Variants in GLIPR1L2 observed in about 807,000 individuals in gnomAD.
GLIPR1L2 encodes the protein GLIPR1-like protein 2.
In GLIPR1L2, 21 loss-of-function variants were observed where a neutral mutation model predicts 28.4. The ratio of observed to expected loss-of-function variants is 0.74; its 90% CI spans 0.52 to 1.06. The LOEUF is 1.06. Ranked by LOEUF, GLIPR1L2 falls within the 50% of genes least tolerant of loss-of-function variation. GLIPR1L2 has a pLI of 0.00. For missense variants in GLIPR1L2, 476 were observed against 416.9 expected, an observed-to-expected ratio of 1.14 and a Z score of -1.23; for synonymous variants, 145 against 139.3, an observed-to-expected ratio of 1.04 and a Z score of -0.29.
chr12:75,423,438 A>C (rs925126580), intron 4 of GLIPR1L2: 1 of 926,326 alleles, frequency 1.1e-6, no homozygotes, highest in African/African-American at 1.8e-5. Context: ...AATATGTTTG[A>C]TTACATTTTT....
chr12:75,424,611 A>AT (rs1566078224), intron 4 of GLIPR1L2, among the ~76,000 whole-genome samples: 22 of 72,486 alleles, frequency 3.0e-4, no homozygotes, highest in African/African-American at 7.4e-4. Flanking sequence ...ATGCCCAGCT[A>AT]ATTTTTTTTT....
chr12:75,395,944 C>A (rs1007041502), intron 1 of GLIPR1L2, among the ~76,000 whole-genome samples: 1 of 151,688 alleles, frequency 6.6e-6, no homozygotes, highest in Non-Finnish European at 1.5e-5. Context: ...TTTCTTTTTA[C>A]CTATGGTGTA....
intron 1 of GLIPR1L2, 38 bp from the exon 2 acceptor site, chr12:75,410,396 A>C (rs1566070042): frequency 1.4e-6 from 2 of 1,445,764 alleles, no homozygotes; most frequent in Admixed American, 2.6e-5. Context: ...ACAAAAAAAA[A>C]CTTATTTTGT....
At chr12:75,409,546 AT>A (rs1264817430) in intron 1 of GLIPR1L2, among the ~76,000 whole-genome samples, 1 of 136,146 alleles carries the variant, frequency 7.3e-6, no homozygotes, top group African/African-American at 2.6e-5. Flanking sequence ...GTGTTAAAAG[AT>A]TTTTTTTGGG....
intron 4 of GLIPR1L2, among the ~76,000 whole-genome samples, chr12:75,424,951 G>A (rs765719868): frequency 7.2e-5 from 11 of 152,066 alleles, no homozygotes; most frequent in Non-Finnish European, 1.5e-4. Flanking sequence ...ATCCAAAGGT[G>A]ATATGTTAGA....
rs764132569 is a variant in GLIPR1L2 at position 75,413,580 on chromosome 12, T to C, written c.481-18T>C. ...TTTAAAATTAAATTTTGTGTCTTTC[T>C]TGAAAATTTTATTTTAGCTTGTTTG... is the stretch of plus-strand genomic sequence containing the variant. On this transcript the variant is annotated intron_variant, in intron 2 of 5. Transcript: ENST00000550916. 1 of 1,422,610 alleles carries C rather than the reference T, an allele frequency of 7.0e-7. No homozygotes were observed. Among genetic ancestry groups the C allele is most frequent in the East Asian group, 2.5e-5 (1 of 40,674 alleles). 88.1% of individuals were successfully genotyped at this position (1,422,610 alleles called of 1,614,324 possible). A position where few individuals can be genotyped will look rare whatever the true frequency, so the allele number is the denominator to read the frequency against.
rs778332182 is a variant in GLIPR1L2 at position 75,391,130 on chromosome 12, G to A, written c.14G>A (p.Arg5Lys). The A allele has an allele frequency of 3.7e-6, 6 of 1,613,372 alleles. No individual in the cohort carries two copies. Among genetic ancestry groups the A allele is most frequent in the South Asian group, 3.3e-5 (3 of 91,060 alleles). Residue 5 changes from arginine (R) to lysine (K), a missense_variant, in exon 1 of 6, where the codon AGG becomes AAG. Coordinates refer to ENST00000550916, the MANE Select transcript of GLIPR1L2 (RefSeq NM_001270396.2). ...GGCCGGTGGACCATGGAGGCCGCAA[G>A]GCCCTTCGCCCGGGAGTGGAGGGCC... MEAA[R>K]PFAREWRAQS...
intron 4 of GLIPR1L2, among the ~76,000 whole-genome samples, chr12:75,426,831 C>G (rs1415142037): frequency 6.6e-6 from 1 of 152,086 alleles, no homozygotes; most frequent in African/African-American, 2.4e-5. Context: ...ACCTATTATT[C>G]AAGTGTAATG....
At chr12:75,406,234 A>T (rs188518792) in intron 1 of GLIPR1L2, among the ~76,000 whole-genome samples, 1 of 152,248 alleles carries the variant, frequency 6.6e-6, no homozygotes, top group East Asian at 1.9e-4. Flanking sequence ...ATTGTTTCAT[A>T]GCTGTCTAAG....
At chr12:75,397,910 A>G (rs1434737822) in intron 1 of GLIPR1L2, among the ~76,000 whole-genome samples, 1 of 151,910 alleles carries the variant, frequency 6.6e-6, no homozygotes, top group Non-Finnish European at 1.5e-5. Flanking sequence ...TTTATATCTA[A>G]TCTGATATTT....
intron 1 of GLIPR1L2, among the ~76,000 whole-genome samples, chr12:75,400,499 C>A (rs987625878): frequency 6.6e-6 from 1 of 151,944 alleles, no homozygotes; most frequent in Non-Finnish European, 1.5e-5. Context: ...GTTTTGTATA[C>A]GAAAATTTAA....
chr12:75,430,610 G>A (rs2046081273), intron 4 of GLIPR1L2, 105 bp from the exon 5 acceptor site: 1 of 1,044,458 alleles, frequency 9.6e-7, no homozygotes, highest in South Asian at 1.6e-5. Context: ...CAAAGATAAT[G>A]CCTGAGAACT....
intron 4 of GLIPR1L2, among the ~76,000 whole-genome samples, chr12:75,426,943 A>G (rs2046040156): frequency 6.6e-6 from 1 of 152,172 alleles, no homozygotes; most frequent in African/African-American, 2.4e-5. Context: ...AAAAGAAGAG[A>G]TGAATGAAAA....
intron 4 of GLIPR1L2, chr12:75,423,228 A>G: frequency 7.4e-7 from 1 of 1,349,026 alleles, no homozygotes; most frequent in Middle Eastern, 2.8e-4. Flanking sequence ...AGTGTCAGAA[A>G]GAAAGAATGA....
intron 1 of GLIPR1L2, among the ~76,000 whole-genome samples, chr12:75,393,319 C>T (rs563337276): frequency 1.3e-5 from 2 of 152,098 alleles, no homozygotes; most frequent in East Asian, 3.9e-4. Flanking sequence ...TTGTTGTGCA[C>T]CCATTACCAC....
intron 4 of GLIPR1L2, among the ~76,000 whole-genome samples, chr12:75,430,363 G>T (rs530271197): frequency 5.4e-4 from 82 of 152,246 alleles, no homozygotes; most frequent in Non-Finnish European, 1.0e-3. Context: ...TATCTGTGGG[G>T]GCAAAGGGAG....
chr12:75,427,638 T>C (rs2046047291), intron 4 of GLIPR1L2, among the ~76,000 whole-genome samples: 1 of 152,202 alleles, frequency 6.6e-6, no homozygotes. Flanking sequence ...CATCATATTG[T>C]TTAGCTCTGT....
At chr12:75,403,737 C>A (rs897920327) in intron 1 of GLIPR1L2, among the ~76,000 whole-genome samples, 9 of 152,068 alleles carry the variant, frequency 5.9e-5, no homozygotes, top group Non-Finnish European at 1.3e-4. Context: ...ACCTTCAACC[C>A]CCTACCTCCT....
Position 75,430,711 on chromosome 12 carries a change from C to G in GLIPR1L2, c.671-4C>G. ...ATTTTTGTGGACTTTCTTTTTCTTT[C>G]TAGGTAATGCAGATCGTGACCAAGC... On this transcript the variant is annotated splice_polypyrimidine_tract_variant and splice_region_variant and intron_variant, in intron 4 of 5. Transcript: ENST00000550916. The G allele has an allele frequency of 6.5e-7, 1 of 1,529,232 alleles. No homozygotes were observed. Among genetic ancestry groups the G allele is most frequent in the South Asian group, 1.2e-5 (1 of 82,054 alleles). The allele number at this position is 1,529,232 out of a possible 1,614,324, so 94.7% of individuals were successfully genotyped here. A position where few individuals can be genotyped will look rare whatever the true frequency, so the allele number is the denominator to read the frequency against.
Sources: gnomAD v4.1 joint callset for allele counts (sites outside exome capture counted in the v4.1 genomes callset) on GRCh38, gnomAD v4.1.1 for gene constraint, MANE v1.5 for transcripts, NCBI Gene and HGNC (gene_info 2026-07-23, HGNC 2026-07-21) for gene names.